SH3GL2: variants seen among roughly 807,000 people sequenced by gnomAD.
The protein encoded by SH3GL2 is endophilin-A1.
In SH3GL2, 24 loss-of-function variants were observed where a neutral mutation model predicts 46.0. The ratio of observed to expected loss-of-function variants is 0.52; its 90% CI spans 0.38 to 0.73. The LOEUF (loss-of-function observed/expected upper bound fraction) is 0.73, where lower values mean the gene tolerates loss of function less well. SH3GL2 is among the 30% of genes least tolerant of loss of function. The pLI, the probability that SH3GL2 is intolerant of heterozygous loss-of-function variation, is 0.00. For missense variants in SH3GL2, 413 were observed against 424.2 expected (o/e 0.97, Z 0.23); for synonymous variants, 196 against 147.1 (o/e 1.33, Z -2.40).
At chr9:17,680,083 A>C (rs1820727945) in intron 1 of SH3GL2, among the ~76,000 whole-genome samples, 1 of 152,080 alleles carries the variant, frequency 6.6e-6, no homozygotes, top group Non-Finnish European at 1.5e-5. Context: ...TATTGGTCTA[A>C]AATTCTCTTT....
intron 1 of SH3GL2, among the ~76,000 whole-genome samples, chr9:17,640,114 G>A (rs1157224312): frequency 1.3e-5 from 2 of 152,076 alleles, no homozygotes; most frequent in Non-Finnish European, 2.9e-5. Context: ...ATTAAAATGA[G>A]TGACTTTTCT....
At chr9:17,749,167 T>C (rs1280337241) in intron 2 of SH3GL2, among the ~76,000 whole-genome samples, 1 of 152,228 alleles carries the variant, frequency 6.6e-6, no homozygotes, top group Non-Finnish European at 1.5e-5. Flanking sequence ...CATTGGTTCC[T>C]ATTTCTCATC....
At chr9:17,752,163 G>T (rs376924358) in intron 2 of SH3GL2, among the ~76,000 whole-genome samples, 1 of 152,126 alleles carries the variant, frequency 6.6e-6, no homozygotes, top group African/African-American at 2.4e-5. Context: ...GGGACAGATG[G>T]ATTAACTCTT....
At chr9:17,694,485 A>G (rs559362578) in intron 1 of SH3GL2, among the ~76,000 whole-genome samples, 36 of 152,280 alleles carry the variant, frequency 2.4e-4, no homozygotes, top group African/African-American at 7.7e-4. Flanking sequence ...TGGATTTGCT[A>G]TATACTAGAC....
In SH3GL2 at chr9:17,697,648, C is replaced by T. The variant is rs139490634; in HGVS notation, c.46-49418C>T. Among the ~76,000 whole-genome samples, 194 of 152,310 alleles carry T rather than the reference C, an allele frequency of 1.3e-3. 3 individuals are homozygous for T. The highest frequency in any genetic ancestry group is 4.0e-3 in the African/African-American group (167 of 41,576). On this transcript the variant is annotated intron_variant, in intron 1 of 8. Transcript: ENST00000380607. ...GTCTTAATAATTCCTCTATTAGCAA[C>T]TTCATTAGACATCCACTAGTACATA...
chr9:17,681,714 T>C (rs1393969342), intron 1 of SH3GL2, among the ~76,000 whole-genome samples: 1 of 152,128 alleles, frequency 6.6e-6, no homozygotes, highest in Non-Finnish European at 1.5e-5. Flanking sequence ...GAGGATCTCA[T>C]TAAACTAAAG....
At chr9:17,754,909 C>T (rs574765239) in intron 2 of SH3GL2, among the ~76,000 whole-genome samples, 1 of 152,178 alleles carries the variant, frequency 6.6e-6, no homozygotes, top group Admixed American at 6.5e-5. Flanking sequence ...GTTTTCTGGA[C>T]ATAGGATCAT....
At chr9:17,778,960 T>C (rs910099740) in intron 3 of SH3GL2, among the ~76,000 whole-genome samples, 1 of 152,024 alleles carries the variant, frequency 6.6e-6, no homozygotes, top group African/African-American at 2.4e-5. Flanking sequence ...TATGTTAAGT[T>C]TGAGAGGCCT....
At chr9:17,583,289 C>A (rs774043788) in intron 1 of SH3GL2, among the ~76,000 whole-genome samples, 22 of 152,070 alleles carry the variant, frequency 1.4e-4, no homozygotes, top group Non-Finnish European at 2.2e-4. Flanking sequence ...CTCTAAAATA[C>A]GTATGTTGAA....
chr9:17,688,673 C>T (rs1820991146), intron 1 of SH3GL2, among the ~76,000 whole-genome samples: 1 of 151,972 alleles, frequency 6.6e-6, no homozygotes. Context: ...CTCCAGAGAA[C>T]ATGCTGATGG....
Position 17,683,574 on chromosome 9 carries a change from C to T in SH3GL2, c.46-63492C>T, listed in dbSNP as rs545324144. 3.9e-5 allele frequency among the ~76,000 whole-genome samples: 6 copies of T among 152,116 alleles called. No homozygotes were observed. The East Asian group carries it at 1.2e-3, about 30-fold the overall frequency. On this transcript the variant is annotated intron_variant, in intron 1 of 8. Transcript: ENST00000380607. ...TAACATTGTGGGAGGAGGTAGATCA[C>T]TTGGAACGTCCTACCCCTATACCCA...
intron 1 of SH3GL2, among the ~76,000 whole-genome samples, chr9:17,695,514 C>T (rs879260533): frequency 6.6e-6 from 1 of 152,104 alleles, no homozygotes. Context: ...GGAACAAATG[C>T]AATTGCTTAG....
intron 1 of SH3GL2, among the ~76,000 whole-genome samples, chr9:17,723,280 T>C (rs1821940587): frequency 6.6e-6 from 1 of 152,126 alleles, no homozygotes; most frequent in Non-Finnish European, 1.5e-5. Flanking sequence ...TTTACCAAAC[T>C]TCAATATATT....
intron 3 of SH3GL2, among the ~76,000 whole-genome samples, chr9:17,762,844 T>C (rs916982582): frequency 6.6e-6 from 1 of 152,206 alleles, no homozygotes; most frequent in Non-Finnish European, 1.5e-5. Flanking sequence ...CCTTACTGTT[T>C]AAACCACTGT....
In SH3GL2 at chr9:17,696,021, T is replaced by G. The variant is rs542588622; in HGVS notation, c.46-51045T>G. 1.6e-4 allele frequency among the ~76,000 whole-genome samples: 25 copies of G among 152,236 alleles called. 1 individual carries two copies. The highest frequency in any genetic ancestry group is 1.0e-3 in the Admixed American group (16 of 15,300). ...TTCTAGTTCAGGCTGTGTTGTTGTC[T>G]GAGTTGTCCTGCAAGCTGATACAAA... On this transcript the variant is annotated intron_variant, in intron 1 of 8. Transcript: ENST00000380607.
chr9:17,737,105 G>C (rs537890807), intron 1 of SH3GL2, among the ~76,000 whole-genome samples: 7 of 152,100 alleles, frequency 4.6e-5, no homozygotes, highest in African/African-American at 1.7e-4. Flanking sequence ...CACAGGAACA[G>C]AAAACAAAAC....
intron 1 of SH3GL2, among the ~76,000 whole-genome samples, chr9:17,682,776 G>A (rs1289665461): frequency 6.6e-6 from 1 of 151,904 alleles, no homozygotes; most frequent in African/African-American, 2.4e-5. Flanking sequence ...ATTCTAAGAG[G>A]TAGCATTTTA....
chr9:17,708,220 C>G (rs532157488), intron 1 of SH3GL2, among the ~76,000 whole-genome samples: 1 of 152,094 alleles, frequency 6.6e-6, no homozygotes, highest in East Asian at 1.9e-4. Flanking sequence ...TCTGGACATC[C>G]TCATCACTGT....
intron 1 of SH3GL2, among the ~76,000 whole-genome samples, chr9:17,715,409 C>T (rs1003569710): frequency 6.6e-6 from 1 of 151,544 alleles, no homozygotes; most frequent in Non-Finnish European, 1.5e-5. Context: ...TTTTTTTTGT[C>T]TCTCTCCAAT....
Sources: gnomAD v4.1 joint callset for allele counts (sites outside exome capture counted in the v4.1 genomes callset) on GRCh38, gnomAD v4.1.1 for gene constraint, MANE v1.5 for transcripts, NCBI Gene and HGNC (gene_info 2026-07-23, HGNC 2026-07-21) for gene names.